SLC30A7: variants seen among roughly 807,000 people sequenced by gnomAD.
The protein encoded by SLC30A7 is solute carrier family 30 member 7, also known as zinc transporter 7.
In SLC30A7, 35 loss-of-function variants were observed where a neutral mutation model predicts 46.0. That is an observed-to-expected ratio of 0.76 (90% CI 0.58 to 1.01). The LOEUF (loss-of-function observed/expected upper bound fraction) is 1.01. SLC30A7 is among the 50% of genes least tolerant of loss of function. SLC30A7 has a pLI of 0.00. For synonymous variants in SLC30A7, 147 were observed against 157.8 expected (o/e 0.93, Z 0.51); for missense variants, 464 against 451.1 (o/e 1.03, Z -0.26).
chr1:100,990,334 G>T, the SLC30A7 span: 1 of 1,362,358 alleles, frequency 7.3e-7, no homozygotes, highest in Non-Finnish European at 1.0e-6. Context: ...ATGAGACTTG[G>T]GTGGGGATAC....
intron 8 of SLC30A7, among the ~76,000 whole-genome samples, chr1:100,934,849 C>T (rs1653856939): frequency 6.6e-6 from 1 of 151,976 alleles, no homozygotes; most frequent in African/African-American, 2.4e-5. Context: ...ACTATGTACC[C>T]ATGTAAGAAA....
In SLC30A7 at chr1:100,977,274, A is replaced by C. The variant is rs945258466; in HGVS notation, c.*2417A>C. 2 of 152,226 alleles carry C rather than the reference A, an allele frequency of 1.3e-5. No homozygotes were observed. Among genetic ancestry groups the C allele is most frequent in the Non-Finnish European group, 2.9e-5 (2 of 68,040 alleles). 9.4% of individuals were successfully genotyped at this position (152,226 alleles called of 1,614,324 possible). On this transcript the variant is annotated 3_prime_UTR_variant, in exon 11 of 11. Coordinates refer to ENST00000357650, the MANE Select transcript of SLC30A7 (RefSeq NM_133496.5). The stretch of plus-strand genomic sequence containing the variant: ...TTTTATTTGACTGTACTATCAGTAC[A>C]CAAATGCATGAGTATGTTTATACAG...
intron 10 of SLC30A7, among the ~76,000 whole-genome samples, chr1:100,973,155 G>A (rs116299255): frequency 8.4e-4 from 127 of 151,788 alleles, no homozygotes; most frequent in African/African-American, 1.6e-3. Context: ...TTATCCATTC[G>A]AGTAGTTCCT....
the SLC30A7 span, chr1:100,992,721 G>C: frequency 2.5e-6 from 4 of 1,613,102 alleles, no homozygotes; most frequent in Admixed American, 6.7e-5. Context: ...TACCGTGGAG[G>C]TTCATAGATC....
At chr1:100,939,165 T>C (rs1654177825) in intron 8 of SLC30A7, among the ~76,000 whole-genome samples, 1 of 148,864 alleles carries the variant, frequency 6.7e-6, no homozygotes, top group Non-Finnish European at 1.5e-5. Flanking sequence ...CTCTGCTATT[T>C]AACATAGTAT....
intron 8 of SLC30A7, among the ~76,000 whole-genome samples, chr1:100,935,881 C>T (rs914695528): frequency 6.6e-6 from 1 of 152,084 alleles, no homozygotes; most frequent in African/African-American, 2.4e-5. Context: ...AGTCATCCCA[C>T]TTTACAATAT....
intron 9 of SLC30A7, 48 bp from the exon 10 acceptor site, chr1:100,965,721 G>C (rs1203941232): frequency 6.7e-7 from 1 of 1,490,088 alleles, no homozygotes; most frequent in African/African-American, 1.4e-5. Context: ...AAGTAAAAGG[G>C]AGTGCTTAAC....
At chr1:100,898,582 A>T (rs909020175) in intron 2 of SLC30A7, among the ~76,000 whole-genome samples, 4 of 152,178 alleles carry the variant, frequency 2.6e-5, no homozygotes, top group African/African-American at 9.6e-5. Flanking sequence ...TAATCTCCAG[A>T]TCTACAACCA....
chr1:100,964,288 T>TATAACCTATAACCTATAG (rs58857327), intron 9 of SLC30A7, among the ~76,000 whole-genome samples: 2 of 96,708 alleles, frequency 2.1e-5, no homozygotes, highest in African/African-American at 8.3e-5. Flanking sequence ...ATAACATATA[T>TATAACCTATAACCTATAG]GTTATATAAC....
At chr1:100,964,335 A>ATAACT (rs1238936539) in intron 9 of SLC30A7, among the ~76,000 whole-genome samples, 57 of 144,214 alleles carry the variant, frequency 4.0e-4, no homozygotes, top group African/African-American at 1.4e-3. Context: ...ATGTATGTAT[A>ATAACT]TATGTTATAT....
rs768513350 is a variant in SLC30A7, at chr1:100,979,558, A to C, written c.*4701A>C. 5.9e-5 allele frequency: 9 copies of C among 152,118 alleles called. No homozygotes were observed. The highest frequency in any genetic ancestry group is 7.4e-5 in the Non-Finnish European group (5 of 67,976). 9.4% of individuals were successfully genotyped at this position (152,118 alleles called of 1,614,324 possible). On this transcript the variant is annotated 3_prime_UTR_variant, in exon 11 of 11. Coordinates refer to ENST00000357650, the MANE Select transcript of SLC30A7 (RefSeq NM_133496.5). Reference sequence around the variant, plus strand: ...ATTTCCTAACTGCAAATTACACAGAAAGTGAGAATGGGGAATAACTTTTAT... The same window carrying C: ...ATTTCCTAACTGCAAATTACACAGACAGTGAGAATGGGGAATAACTTTTAT...
intron 6 of SLC30A7, 46 bp downstream of exon 6, chr1:100,913,852 A>T: frequency 6.4e-7 from 1 of 1,570,106 alleles, no homozygotes; most frequent in Non-Finnish European, 8.6e-7. Context: ...AATAAACAAG[A>T]GTTTTGTGGA....
chr1:100,948,414 GT>G (rs1284670829), intron 8 of SLC30A7, among the ~76,000 whole-genome samples: 49 of 152,314 alleles, frequency 3.2e-4, no homozygotes, highest in Non-Finnish European at 1.5e-5. Context: ...GAGATCCACT[GT>G]TTGTCTGATG....
Position 100,913,796 on chromosome 1 carries a change from T to C in SLC30A7, c.645T>C (p.Phe215=), listed in dbSNP as rs1199677799. 1.2e-6 allele frequency: 2 copies of C among 1,613,732 alleles called. No individual in the cohort carries two copies. Among genetic ancestry groups the C allele is most frequent in the African/African-American group, 2.7e-5 (2 of 74,900 alleles). The change falls in exon 6 of 11, where the codon TTT becomes TTC. Residue 215 remains phenylalanine (F), a synonymous_variant. Coordinates refer to ENST00000357650, the MANE Select transcript of SLC30A7 (RefSeq NM_133496.5). ...ATCATGCTCATGGACATGGACACTT[T>C]CATTCTCATGGTGAGTACAGCCTAG... ...SHDHAHGHGH[F]HSHDGPSLKE...
intron 10 of SLC30A7, among the ~76,000 whole-genome samples, chr1:100,973,374 A>G (rs1456040041): frequency 6.6e-6 from 1 of 152,170 alleles, no homozygotes; most frequent in East Asian, 1.9e-4. Flanking sequence ...GCTTATTGTG[A>G]CTAATGGGTT....
downstream of SLC30A7, among the ~76,000 whole-genome samples, chr1:100,983,397 A>AC (rs1291988770): frequency 3.4e-4 from 42 of 123,124 alleles, no homozygotes; most frequent in African/African-American, 1.1e-3. Flanking sequence ...AAAACAAAAC[A>AC]AAACAAAACA....
At chr1:100,938,045 T>C (rs61780300) in intron 8 of SLC30A7, among the ~76,000 whole-genome samples, 18,411 of 152,260 alleles carry the variant, frequency 0.12, 1,354 homozygotes, top group Non-Finnish European at 0.17. Flanking sequence ...CATTTAACCA[T>C]GTATGTCAGA....
chr1:100,959,265 T>C (rs997766694), intron 8 of SLC30A7, among the ~76,000 whole-genome samples: 3 of 152,232 alleles, frequency 2.0e-5, no homozygotes, highest in Admixed American at 6.5e-5. Flanking sequence ...ACCTATTTTA[T>C]GTAGATTAGT....
rs1489392039 is a variant in SLC30A7 at position 100,979,637 on chromosome 1, C to T, written c.*4780C>T. ...TGGCCTTCATGTTATTACATTTAAT[C>T]CTCAAATTTCTACAAAGGAATAATT... On this transcript the variant is annotated 3_prime_UTR_variant, in exon 11 of 11. Transcript: ENST00000357650. 7 of 152,042 alleles carry T rather than the reference C, an allele frequency of 4.6e-5. No homozygotes were observed. The highest frequency in any genetic ancestry group is 2.9e-5 in the Non-Finnish European group (2 of 67,958). The allele number at this position is 152,042 out of a possible 1,614,324, so 9.4% of individuals were successfully genotyped here.
Sources: gnomAD v4.1 joint callset for allele counts (sites outside exome capture counted in the v4.1 genomes callset) on GRCh38, gnomAD v4.1.1 for gene constraint, MANE v1.5 for transcripts, NCBI Gene and HGNC (gene_info 2026-07-23, HGNC 2026-07-21) for gene names.